KLHL8: variants seen among roughly 807,000 people sequenced by gnomAD.
KLHL8 encodes kelch-like protein 8.
A neutral mutation model predicts 63.5 loss-of-function variants in KLHL8; 38 were observed. The ratio of observed to expected loss-of-function variants is 0.60; its 90% CI spans 0.46 to 0.78. The LOEUF (loss-of-function observed/expected upper bound fraction) is 0.78. Among genes scored for constraint, KLHL8 ranks in the 30% least tolerant of loss-of-function variants. The probability of loss-of-function intolerance (pLI) is 0.00; values close to 1 mark genes in which losing one functional copy is unlikely to be tolerated. For synonymous variants in KLHL8, 224 were observed against 254.3 expected, an observed-to-expected ratio of 0.88 and a Z score of 1.13; for missense variants, 566 against 752.4, an observed-to-expected ratio of 0.75 and a Z score of 2.90.
chr4:87,190,075 T>C (rs1193889704), intron 2 of KLHL8, among the ~76,000 whole-genome samples: 1 of 151,418 alleles, frequency 6.6e-6, no homozygotes, highest in Admixed American at 6.6e-5. Flanking sequence ...AAAGTAAAAT[T>C]TTATCTTAGT....
chr4:87,234,182 G>A (rs1733187480), intron 1 of KLHL8, among the ~76,000 whole-genome samples: 1 of 152,218 alleles, frequency 6.6e-6, no homozygotes, highest in Non-Finnish European at 1.5e-5. Flanking sequence ...GCTCACGCCT[G>A]TAACCCAAGC....
At chr4:87,217,780 GGGGCCC>G (rs1732657478) in intron 1 of KLHL8, among the ~76,000 whole-genome samples, 1 of 151,540 alleles carries the variant, frequency 6.6e-6, no homozygotes, top group Non-Finnish European at 1.5e-5. Context: ...GCTACCATGT[GGGGCCC>G]TTTAGTTCTT....
At chr4:87,191,653 A>G (rs915036496) in intron 2 of KLHL8, among the ~76,000 whole-genome samples, 7 of 151,724 alleles carry the variant, frequency 4.6e-5, no homozygotes, top group Non-Finnish European at 1.0e-4. Flanking sequence ...TTGCATAGAT[A>G]TATTGCATCA....
At chr4:87,172,309 C>G (rs28505236) in intron 6 of KLHL8, among the ~76,000 whole-genome samples, 30,761 of 152,074 alleles carry the variant, frequency 0.2, 3,684 homozygotes, top group East Asian at 0.46. Context: ...TATCAATAAC[C>G]TAAATGGCCC....
At chr4:87,195,260 G>A in intron 2 of KLHL8, 64 bp downstream of exon 2, 2 of 1,352,976 alleles carry the variant, frequency 1.5e-6, no homozygotes, top group South Asian at 1.3e-5. Flanking sequence ...TATGGTTACA[G>A]AAACCCCCAT....
At chr4:87,181,985 T>C (rs971394021) in intron 4 of KLHL8, among the ~76,000 whole-genome samples, 2 of 152,040 alleles carry the variant, frequency 1.3e-5, no homozygotes, top group African/African-American at 4.8e-5. Flanking sequence ...TCCCAGCACT[T>C]CGGGAGGCCA....
chr4:87,186,330 G>A (rs1731253263), intron 2 of KLHL8, among the ~76,000 whole-genome samples: 1 of 152,020 alleles, frequency 6.6e-6, no homozygotes, highest in Non-Finnish European at 1.5e-5. Context: ...TTACCAGTGT[G>A]AGCCACCACA....
intron 1 of KLHL8, chr4:87,207,779 C>A: frequency 1.1e-6 from 1 of 877,664 alleles, no homozygotes; most frequent in Non-Finnish European, 1.9e-6. Context: ...ACTGGCATGG[C>A]CTTCTGTGTC....
chr4:87,221,516 A>G (rs1476679181), upstream of KLHL8: 1 of 152,092 alleles, frequency 6.6e-6, no homozygotes, highest in Admixed American at 6.6e-5. Context: ...GCAAAAAAAC[A>G]AAATTTTTTT....
intron 2 of KLHL8, among the ~76,000 whole-genome samples, chr4:87,189,096 A>G (rs1286080518): frequency 6.6e-6 from 1 of 152,202 alleles, no homozygotes; most frequent in Non-Finnish European, 1.5e-5. Flanking sequence ...TACGGACAGA[A>G]AAAGGAAGGT....
chr4:87,216,054 C>T (rs755157010), intron 1 of KLHL8, among the ~76,000 whole-genome samples: 5 of 152,120 alleles, frequency 3.3e-5, no homozygotes, highest in Non-Finnish European at 7.4e-5. Flanking sequence ...AATAAACAAG[C>T]CAAATTATCT....
intron 1 of KLHL8, among the ~76,000 whole-genome samples, chr4:87,226,666 ATATATATTATTTATAT>A (rs1732987633): frequency 6.1e-5 from 2 of 32,644 alleles, no homozygotes; most frequent in East Asian, 2.1e-3. Flanking sequence ...CTTATATATA[ATATATATTATTTATAT>A]ATAATATATA....
chr4:87,210,781 C>T (rs1732373171), intron 1 of KLHL8, among the ~76,000 whole-genome samples: 1 of 152,148 alleles, frequency 6.6e-6, no homozygotes, highest in Non-Finnish European at 1.5e-5. Flanking sequence ...TTCTGAAATG[C>T]CCTTTACCAC....
chr4:87,164,431 C>T (rs1241845720), intron 8 of KLHL8, among the ~76,000 whole-genome samples: 1 of 151,268 alleles, frequency 6.6e-6, no homozygotes, highest in East Asian at 1.9e-4. Flanking sequence ...ACAAGCAAGA[C>T]AGTACTGAGA....
intron 1 of KLHL8, among the ~76,000 whole-genome samples, chr4:87,214,211 C>CT (rs11336481): frequency 0.015 from 2,062 of 141,574 alleles, 21 homozygotes; most frequent in Middle Eastern, 0.079. Flanking sequence ...CCTAAGTCAT[C>CT]TTTTTTTTTT....
intron 1 of KLHL8, among the ~76,000 whole-genome samples, chr4:87,231,088 C>T (rs1181541144): frequency 6.6e-6 from 1 of 152,026 alleles, no homozygotes; most frequent in Non-Finnish European, 1.5e-5. Flanking sequence ...CTCTCCCCTC[C>T]CTGAAAGCGG....
At chr4:87,188,956 A>G (rs1731365253) in intron 2 of KLHL8, among the ~76,000 whole-genome samples, 1 of 152,248 alleles carries the variant, frequency 6.6e-6, no homozygotes, top group African/African-American at 2.4e-5. Flanking sequence ...AGATAGTATT[A>G]CGAAAGAAAA....
At chr4:87,193,311 A>G (rs548374708) in intron 2 of KLHL8, among the ~76,000 whole-genome samples, 4 of 152,268 alleles carry the variant, frequency 2.6e-5, no homozygotes, top group African/African-American at 9.6e-5. Context: ...CTCAGACAGT[A>G]GCCTGCATCT....
intron 1 of KLHL8, among the ~76,000 whole-genome samples, chr4:87,238,081 G>A (rs961186656): frequency 6.6e-6 from 1 of 152,004 alleles, no homozygotes; most frequent in Non-Finnish European, 1.5e-5. Flanking sequence ...GATGACAGGC[G>A]TGCACAACCA....
Sources: allele counts gnomAD v4.1 joint callset (sites outside exome capture counted in the v4.1 genomes callset), GRCh38; gene constraint gnomAD v4.1.1; transcripts MANE v1.5; gene names NCBI Gene and HGNC (gene_info 2026-07-23, HGNC 2026-07-21).